The following ACTN2 variants were observed in gnomAD, a reference collection of about 807,000 sequenced individuals.
The protein encoded by ACTN2 is alpha-actinin-2.
A neutral mutation model predicts 113.8 loss-of-function variants in ACTN2; 39 were observed. The ratio of observed to expected loss-of-function variants is 0.34; its 90% CI spans 0.27 to 0.45. The LOEUF is 0.45. Ranked by LOEUF, ACTN2 falls within the 20% of genes least tolerant of loss-of-function variation. The pLI is 1.00. For synonymous variants in ACTN2, 429 were observed against 444.1 expected, an observed-to-expected ratio of 0.97 and a Z score of 0.43; for missense variants, 992 against 1,177.9, an observed-to-expected ratio of 0.84 and a Z score of 2.31.
At chr1:236,729,512 C>T (rs1326740835) in intron 6 of ACTN2, among the ~76,000 whole-genome samples, 3 of 152,142 alleles carry the variant, frequency 2.0e-5, no homozygotes, top group Admixed American at 1.3e-4. Flanking sequence ...TGACCTCACT[C>T]GTGTGGCATG....
At chr1:236,736,986 C>A in intron 8 of ACTN2, 136 bp from the exon 9 acceptor site, 1 of 711,966 alleles carries the variant, frequency 1.4e-6, no homozygotes, top group Non-Finnish European at 2.5e-6. Context: ...TTCAGTCTGA[C>A]CGCACCCTAA....
At chr1:236,695,563 T>TCACCC (rs1657467279) in intron 1 of ACTN2, among the ~76,000 whole-genome samples, 4 of 100,794 alleles carry the variant, frequency 4.0e-5, no homozygotes, top group Admixed American at 1.1e-4. Flanking sequence ...TGAAATGAGT[T>TCACCC]CCCCCCCCCT....
At chr1:236,708,452 T>G (rs1657899160) in intron 1 of ACTN2, among the ~76,000 whole-genome samples, 1 of 152,220 alleles carries the variant, frequency 6.6e-6, no homozygotes, top group Admixed American at 6.5e-5. Context: ...AAAGTCATGA[T>G]TATTCAGTTT....
At chr1:236,699,337 G>A (rs1657608148) in intron 1 of ACTN2, among the ~76,000 whole-genome samples, 1 of 152,144 alleles carries the variant, frequency 6.6e-6, no homozygotes, top group Non-Finnish European at 1.5e-5. Context: ...ACGGAATTTT[G>A]AGGCATGGTC....
chr1:236,689,872 G>T (rs545813913), intron 1 of ACTN2, among the ~76,000 whole-genome samples: 15 of 152,314 alleles, frequency 9.8e-5, no homozygotes, highest in Admixed American at 7.8e-4. Flanking sequence ...TAATTGGGAG[G>T]TGACTTGTCA....
chr1:236,757,620 C>T lies in ACTN2; in HGVS notation c.2289C>T (p.Asn763=). 1 of 1,614,130 alleles carries T rather than the reference C, an allele frequency of 6.2e-7. No individual in the cohort carries two copies. The highest frequency in any genetic ancestry group is 8.5e-7 in the Non-Finnish European group (1 of 1,180,022). Residue 763 remains asparagine, a synonymous_variant, in exon 18 of 21, where the codon AAC becomes AAT. Transcript: ENST00000366578. ...EQMNEFRASF[N]HFDRRKNGLM... ...TGAATGAGTTCAGAGCCTCCTTCAA[C>T]CACTTTGACAGGGTACCACTCTCTA...
Position 236,755,132 on chromosome 1 carries a change from G to A in ACTN2, c.2088G>A (p.Glu696=), listed in dbSNP as rs1377985885. 1.2e-6 allele frequency: 2 copies of A among 1,614,206 alleles called. No individual in the cohort carries two copies. Among genetic ancestry groups the A allele is most frequent in the African/African-American group, 1.3e-5 (1 of 75,050 alleles). Residue 696 remains glutamate (E), a synonymous_variant, in exon 17 of 21, where the codon GAG becomes GAA. Coordinates refer to ENST00000366578, the MANE Select transcript of ACTN2 (RefSeq NM_001103.4). ...ATAAGAACAACATCGACAAGCTGGA[G>A]GGAGACCATCAGCTCATCCAGGAGG... is the stretch of plus-strand genomic sequence containing the variant. ...INYKNNIDKL[E]GDHQLIQEAL...
chr1:236,698,772 A>G (rs1373520727), intron 1 of ACTN2, among the ~76,000 whole-genome samples: 8 of 152,244 alleles, frequency 5.3e-5, no homozygotes, highest in Non-Finnish European at 7.3e-5. Flanking sequence ...TATTATTCCT[A>G]GTATCCCAAA....
intron 1 of ACTN2, among the ~76,000 whole-genome samples, chr1:236,702,518 G>T (rs1441729909): frequency 6.6e-6 from 1 of 152,138 alleles, no homozygotes. Context: ...CTCACTTTAT[G>T]CTATAGTCTA....
At chr1:236,741,211 A>T (rs1335876687) in intron 10 of ACTN2, among the ~76,000 whole-genome samples, 1 of 151,538 alleles carries the variant, frequency 6.6e-6, no homozygotes, top group Non-Finnish European at 1.5e-5. Context: ...TGCCTGGCTA[A>T]TTATTTCTTT....
chr1:236,715,631 G>A (rs988528550), intron 1 of ACTN2, among the ~76,000 whole-genome samples: 1 of 152,090 alleles, frequency 6.6e-6, no homozygotes, highest in African/African-American at 2.4e-5. Flanking sequence ...CTGGCTAGGA[G>A]CTACCACACT....
chr1:236,744,676 G>T lies in ACTN2; in HGVS notation c.1306G>T (p.Glu436Ter), dbSNP rs757533518. ...QKDYESASLT[E>*]VRALLRKHEA... The stretch of plus-strand genomic sequence containing the variant: ...GGATTACGAGTCGGCGTCGCTGACA[G>T]AGGTGCGGGCTCTGCTGCGGAAGCA... The change falls in exon 12 of 21, where the codon GAG becomes TAG. Residue 436 changes from glutamate to a stop codon, truncating the protein, a stop_gained. Transcript: ENST00000366578. LOFTEE classifies it high-confidence loss of function. 2.5e-6 allele frequency: 4 copies of T among 1,614,230 alleles called. No homozygotes were observed. The highest frequency in any genetic ancestry group is 3.4e-6 in the Non-Finnish European group (4 of 1,180,040).
At chr1:236,728,427 G>A (rs1658622403) in intron 6 of ACTN2, among the ~76,000 whole-genome samples, 1 of 152,186 alleles carries the variant, frequency 6.6e-6, no homozygotes, top group South Asian at 2.1e-4. Context: ...ACAGGCGTGA[G>A]CCCCTGTGCC....
chr1:236,713,411 GA>G (rs2102886917), intron 1 of ACTN2, among the ~76,000 whole-genome samples: 1 of 152,142 alleles, frequency 6.6e-6, no homozygotes, highest in Admixed American at 6.5e-5. Context: ...ATTTTTTGTA[GA>G]GACAGGGTTT....
intron 1 of ACTN2, among the ~76,000 whole-genome samples, chr1:236,709,255 T>TATATATATATATATATACACAC (rs796606511): frequency 1.5e-5 from 1 of 68,900 alleles, no homozygotes; most frequent in African/African-American, 5.3e-5. Context: ...TATATATATA[T>TATATATATATATATATACACAC]ACACACACAC....
At chr1:236,759,871 C>T in intron 19 of ACTN2, 82 bp downstream of exon 19, 2 of 1,305,458 alleles carry the variant, frequency 1.5e-6, no homozygotes, top group Non-Finnish European at 1.1e-6. Context: ...CAAGCTCAAA[C>T]CAAGGTAGTG....
intron 18 of ACTN2, among the ~76,000 whole-genome samples, chr1:236,758,899 G>C (rs1298497464): frequency 6.6e-6 from 1 of 152,192 alleles, no homozygotes; most frequent in Middle Eastern, 3.2e-3. Flanking sequence ...GAGCTTACAG[G>C]CGTGAGCCAC....
chr1:236,762,550 A>G lies in ACTN2; in HGVS notation c.2616A>G (p.Pro872=), dbSNP rs1572153472. The G allele has an allele frequency of 5.0e-6, 8 of 1,614,182 alleles. No homozygotes were observed. Among genetic ancestry groups the G allele is most frequent in the Non-Finnish European group, 6.8e-6 (8 of 1,180,040 alleles). The change falls in exon 21 of 21, where the codon CCA becomes CCG. Residue 872 remains proline, a synonymous_variant. Transcript: ENST00000366578. ...AGAGGATGCCCGCCTACTCGGGCCCAGGCAGTGTGCCTGGTGCACTGGATT... is the reference window on the plus strand; with the variant it reads ...AGAGGATGCCCGCCTACTCGGGCCCGGGCAGTGTGCCTGGTGCACTGGATT... The part of the protein sequence containing the change: ...CIKRMPAYSG[P]GSVPGALDYA...
intron 20 of ACTN2, among the ~76,000 whole-genome samples, chr1:236,762,191 C>T (rs544570366): frequency 1.3e-5 from 2 of 152,200 alleles, no homozygotes; most frequent in South Asian, 4.2e-4. Flanking sequence ...CGTATCCTCG[C>T]ATTGTGGCTC....
Sources: gnomAD v4.1 joint callset for allele counts (sites outside exome capture counted in the v4.1 genomes callset) on GRCh38, gnomAD v4.1.1 for gene constraint, MANE v1.5 for transcripts, NCBI Gene and HGNC (gene_info 2026-07-23, HGNC 2026-07-21) for gene names.